RYR2: variants seen among roughly 807,000 people sequenced by gnomAD.
RYR2 encodes the protein cardiac muscle ryanodine receptor-calcium release channel.
Under a neutral mutation model 601.1 loss-of-function variants are expected in RYR2, and 227 were observed. The ratio of observed to expected loss-of-function variants is 0.38; its 90% CI spans 0.34 to 0.42. The LOEUF is 0.42. Ranked by LOEUF, RYR2 falls within the 10% of genes least tolerant of loss-of-function variation. The probability of loss-of-function intolerance (pLI) is 1.00; values close to 1 mark genes in which losing one functional copy is unlikely to be tolerated. For synonymous variants in RYR2, 2,223 were observed against 2,175.1 expected, an observed-to-expected ratio of 1.02 and a Z score of -0.61; for missense variants, 4,646 against 6,156.5, an observed-to-expected ratio of 0.75 and a Z score of 8.21.
rs1294028410 is a variant in RYR2 at position 237,623,809 on chromosome 1, A to G, written c.5961A>G (p.Pro1987=). ...TTAAGGATGACAAAAGTGAATGTCC[A>G]TGTCCAGAAGAAATTCGTGACCAAC... The part of the protein sequence containing the change: ...LNFKDDKSEC[P]CPEEIRDQLL... Residue 1987 remains proline, a synonymous_variant, in exon 39 of 105, where the codon CCA becomes CCG. Transcript: ENST00000366574. 3 of 1,613,566 alleles carry G rather than the reference A, an allele frequency of 1.9e-6. No individual in the cohort carries two copies. Among genetic ancestry groups the G allele is most frequent in the Non-Finnish European group, 2.5e-6 (3 of 1,179,532 alleles).
rs763316393 is a variant in RYR2 at position 237,611,658 on chromosome 1, T to C, written c.4910+670T>C. Among the ~76,000 whole-genome samples, 145 of 152,076 alleles carry C rather than the reference T, an allele frequency of 9.5e-4. 1 individual carries two copies. The highest frequency in any genetic ancestry group is 1.3e-3 in the Non-Finnish European group (85 of 67,980). The stretch of plus-strand genomic sequence containing the variant: ...AGTTTCTAAGTTTTGGGCCAAGATT[T>C]CCCTCCCAAAATGCCACTGAAATGT... On this transcript the variant is annotated intron_variant, in intron 36 of 104. Coordinates refer to ENST00000366574, the MANE Select transcript of RYR2 (RefSeq NM_001035.3).
intron 53 of RYR2, among the ~76,000 whole-genome samples, chr1:237,657,245 A>G (rs1053756047): frequency 1.3e-5 from 2 of 152,188 alleles, no homozygotes; most frequent in African/African-American, 4.8e-5. Flanking sequence ...GCTGGAAAAC[A>G]ACAGCAAACC....
intron 84 of RYR2, among the ~76,000 whole-genome samples, chr1:237,766,735 A>AT (rs568893896): frequency 6.6e-5 from 10 of 152,124 alleles, no homozygotes; most frequent in South Asian, 4.2e-4. Flanking sequence ...AAGCAAAGGG[A>AT]TTTTTTTTCC....
rs189475647 is a variant in RYR2 at position 237,757,649 on chromosome 1, A to T, written c.11246-48A>T. On this transcript the variant is annotated intron_variant, in intron 81 of 104. Transcript: ENST00000366574. ...AGCATTGGAGGTAGAATAGGTTAAT[A>T]TAGAAGGCGAAATGATATAAGGAAC... 79 of 1,212,550 alleles carry T rather than the reference A, an allele frequency of 6.5e-5. No homozygotes were observed. In the Middle Eastern group the frequency reaches 7.6e-4, roughly 12 times the overall value. 75.1% of individuals were successfully genotyped at this position (1,212,550 alleles called of 1,614,324 possible).
rs1558375761 is a variant in RYR2, at chr1:237,178,463, TGTG to T, written c.49-92033_49-92031del. ...GTGTGTGTGTGTGTGTGTGTGTGTG[TGTG>T]TGTTTAAAAGAGATCCCTCTGTCTT... On this transcript the variant is annotated intron_variant, in intron 1 of 104. Coordinates refer to ENST00000366574, the MANE Select transcript of RYR2 (RefSeq NM_001035.3). 2.0e-3 allele frequency among the ~76,000 whole-genome samples: 276 copies of T among 138,202 alleles called. 1 individual carries two copies. The highest frequency in any genetic ancestry group is 7.4e-3 in the African/African-American group (267 of 35,968). 90.7% of individuals were successfully genotyped at this position (138,202 alleles called of 152,430 possible).
intron 78 of RYR2, among the ~76,000 whole-genome samples, chr1:237,732,711 A>T (rs1690795890): frequency 6.6e-6 from 1 of 152,196 alleles, no homozygotes; most frequent in Non-Finnish European, 1.5e-5. Context: ...TACATAAGAA[A>T]TGCACTGGTA....
At chr1:237,730,911 C>A (rs1000993855) in intron 77 of RYR2, among the ~76,000 whole-genome samples, 3 of 152,052 alleles carry the variant, frequency 2.0e-5, no homozygotes, top group African/African-American at 7.2e-5. Flanking sequence ...AGTCATGGAC[C>A]CATCTAAATA....
chr1:237,766,887 T>C (rs1384532179), intron 84 of RYR2, among the ~76,000 whole-genome samples: 7 of 152,224 alleles, frequency 4.6e-5, no homozygotes, highest in Non-Finnish European at 8.8e-5. Flanking sequence ...TATACAACGC[T>C]GTCAGACTGT....
At chr1:237,108,822 G>GT (rs1248287995) in intron 1 of RYR2, among the ~76,000 whole-genome samples, 1 of 152,208 alleles carries the variant, frequency 6.6e-6, no homozygotes, top group East Asian at 1.9e-4. Context: ...TTCCACCAGC[G>GT]TTCCAGTTTT....
intron 2 of RYR2, among the ~76,000 whole-genome samples, chr1:237,290,248 A>T (rs1291882020): frequency 6.6e-6 from 1 of 152,256 alleles, no homozygotes; most frequent in African/African-American, 2.4e-5. Flanking sequence ...AAAGTGACAG[A>T]TGCAGGGCAC....
At chr1:237,412,958 A>G (rs892074608) in intron 10 of RYR2, among the ~76,000 whole-genome samples, 2 of 152,152 alleles carry the variant, frequency 1.3e-5, no homozygotes, top group East Asian at 3.8e-4. Flanking sequence ...CATTGCAGGG[A>G]AAAGGGACAA....
At chr1:237,757,646 A>T in intron 81 of RYR2, 51 bp from the exon 82 acceptor site, 1 of 1,169,982 alleles carries the variant, frequency 8.5e-7, no homozygotes, top group Non-Finnish European at 1.3e-6. Context: ...AGAATAGGTT[A>T]ATATAGAAGG....
chr1:237,677,938 A>G, intron 60 of RYR2, 110 bp from the exon 61 acceptor site: 1 of 685,844 alleles, frequency 1.5e-6, no homozygotes, highest in Admixed American at 2.6e-5. Context: ...TTTTACATTC[A>G]GTTTAGCGGG....
chr1:237,338,003 C>A (rs1223750336), intron 3 of RYR2, among the ~76,000 whole-genome samples: 1 of 152,144 alleles, frequency 6.6e-6, no homozygotes, highest in African/African-American at 2.4e-5. Flanking sequence ...AAATCTGTTT[C>A]CTTGCCTTTT....
Position 237,716,088 on chromosome 1 carries a change from G to A in RYR2, c.10324-1110G>A, listed in dbSNP as rs543276342. Reference sequence around the variant, plus strand: ...TACTGCTATGGTTCAGAAGATTATAGGTTTAATATAACACTTCAATATGTA... The same window carrying A: ...TACTGCTATGGTTCAGAAGATTATAAGTTTAATATAACACTTCAATATGTA... On this transcript the variant is annotated intron_variant, in intron 71 of 104. Transcript: ENST00000366574. 2.0e-5 allele frequency among the ~76,000 whole-genome samples: 3 copies of A among 152,032 alleles called. No homozygotes were observed. The South Asian group carries it at 6.2e-4, about 32-fold the overall frequency.
Position 237,582,597 on chromosome 1 carries a change from G to T in RYR2, c.3599-7196G>T, listed in dbSNP as rs80130145. ...TGTCCCCCCACCACAGTTGTCCCCAGTTTCTGTTTTTGCCATCCATCTTTA... is the reference window on the plus strand; with the variant it reads ...TGTCCCCCCACCACAGTTGTCCCCATTTTCTGTTTTTGCCATCCATCTTTA... On this transcript the variant is annotated intron_variant, in intron 29 of 104. Coordinates refer to ENST00000366574, the MANE Select transcript of RYR2 (RefSeq NM_001035.3). 4.6e-3 allele frequency among the ~76,000 whole-genome samples: 702 copies of T among 152,134 alleles called. 8 individuals are homozygous for T. The highest frequency in any genetic ancestry group is 0.016 in the African/African-American group (673 of 41,518).
chr1:237,705,581 G>A (rs1002103303), intron 67 of RYR2, among the ~76,000 whole-genome samples: 1 of 152,080 alleles, frequency 6.6e-6, no homozygotes, highest in African/African-American at 2.4e-5. Context: ...GACTGAGCAG[G>A]CCCCTTGGAC....
intron 1 of RYR2, among the ~76,000 whole-genome samples, chr1:237,140,814 T>C (rs1037549250): frequency 5.9e-5 from 9 of 152,206 alleles, no homozygotes; most frequent in Admixed American, 5.9e-4. Context: ...ATAAAGTCCA[T>C]CTATAATACA....
At chr1:237,262,940 A>G (rs1324533001) in intron 1 of RYR2, among the ~76,000 whole-genome samples, 2 of 152,098 alleles carry the variant, frequency 1.3e-5, no homozygotes, top group African/African-American at 4.8e-5. Flanking sequence ...AAGACTATTT[A>G]TTGAGTTTTC....
Sources: allele counts gnomAD v4.1 joint callset (sites outside exome capture counted in the v4.1 genomes callset), GRCh38; gene constraint gnomAD v4.1.1; transcripts MANE v1.5; gene names NCBI Gene and HGNC (gene_info 2026-07-23, HGNC 2026-07-21).